Variants in ZNF517 observed in about 807,000 individuals in gnomAD.
ZNF517 encodes the protein zinc finger protein 517.
Under a neutral mutation model 12.1 loss-of-function variants are expected in ZNF517, and 12 were observed. The observed-to-expected ratio is 0.99, with a 90% confidence interval of 0.63 to 1.61. The LOEUF (loss-of-function observed/expected upper bound fraction) is 1.61, where lower values mean the gene tolerates loss of function less well. ZNF517 is among the 40% of genes most tolerant of loss of function. The pLI is 0.00. For synonymous variants in ZNF517, 388 were observed against 310.2 expected (o/e 1.25, Z -2.63); for missense variants, 781 against 693.2 (o/e 1.13, Z -1.42).
In ZNF517 at chr8:144,801,906, G is replaced by A. The variant is rs568097127; in HGVS notation, c.-45-964G>A. Reference sequence around the variant, plus strand: ...AAATTAGCTGGGTGTGGTGGCATGCGCCTGTAGTTCCAGCTACTCGGGAGG... The same window carrying A: ...AAATTAGCTGGGTGTGGTGGCATGCACCTGTAGTTCCAGCTACTCGGGAGG... On this transcript the variant is annotated intron_variant, in intron 1 of 4. Coordinates refer to ENST00000359971, the MANE Select transcript of ZNF517 (RefSeq NM_213605.3). Among the ~76,000 whole-genome samples the A allele has an allele frequency of 7.2e-5, 11 of 152,166 alleles. No homozygotes were observed. In the South Asian group the frequency reaches 1.2e-3, roughly 17 times the overall value.
In ZNF517 at chr8:144,808,183, C is replaced by T; in HGVS notation, c.1267C>T (p.Pro423Ser). 1 of 1,610,628 alleles carries T rather than the reference C, an allele frequency of 6.2e-7. No individual in the cohort carries two copies. Among genetic ancestry groups the T allele is most frequent in the Non-Finnish European group, 8.5e-7 (1 of 1,178,468 alleles). ...CCAGAAGATCCACACCAAGGAGAAG[C>T]CCTTCGCGTGCACCGAGTGCGGCAA... is the stretch of plus-strand genomic sequence containing the variant. ...LHQKIHTKEK[P>S]FACTECGKAF... The change falls in exon 5 of 5, where the codon CCC (proline) becomes TCC (serine). Residue 423 changes from proline (P) to serine (S), a missense_variant. Transcript: ENST00000359971.
downstream of ZNF517, chr8:144,810,243 G>C (rs1254464891): frequency 5.9e-6 from 4 of 672,606 alleles, no homozygotes; most frequent in Non-Finnish European, 1.1e-5. Context: ...GGAGCACCCT[G>C]TCACCCCTAA....
chr8:144,807,691 C>T lies in ZNF517; in HGVS notation c.775C>T (p.Arg259Trp), dbSNP rs776521096. Residue 259 changes from arginine to tryptophan, a missense_variant, in exon 5 of 5, where the codon CGG (arginine) becomes TGG (tryptophan). Physicochemically the swap from Arg to Trp is moderately radical, Grantham distance 101 (BLOSUM62 -3). Coordinates refer to ENST00000359971, the MANE Select transcript of ZNF517 (RefSeq NM_213605.3). ...CCACCACCGCGTCCACACCCGCGAGCGGCCCTACGCATGCGGCGAGTGCGG... is the reference window on the plus strand; with the variant it reads ...CCACCACCGCGTCCACACCCGCGAGTGGCCCTACGCATGCGGCGAGTGCGG... Reference protein sequence around the residue: ...AAHHRVHTRERPYACGECGKA... With the variant: ...AAHHRVHTREWPYACGECGKA... 39 of 1,609,916 alleles carry T rather than the reference C, an allele frequency of 2.4e-5. No individual in the cohort carries two copies. Among genetic ancestry groups the T allele is most frequent in the Non-Finnish European group, 3.2e-5 (38 of 1,179,106 alleles).
chr8:144,807,692 G>T lies in ZNF517; in HGVS notation c.776G>T (p.Arg259Leu), dbSNP rs934935922. 1 of 1,610,148 alleles carries T rather than the reference G, an allele frequency of 6.2e-7. No homozygotes were observed. The highest frequency in any genetic ancestry group is 8.5e-7 in the Non-Finnish European group (1 of 1,179,172). The change falls in exon 5 of 5, where the codon CGG becomes CTG. Residue 259 changes from arginine (R) to leucine (L), a missense_variant. Physicochemically the swap from Arg to Leu is moderately radical, Grantham distance 102. Coordinates refer to ENST00000359971, the MANE Select transcript of ZNF517 (RefSeq NM_213605.3). ...AAHHRVHTRE[R>L]PYACGECGKA... is the part of the protein sequence containing the mutation. ...CACCACCGCGTCCACACCCGCGAGCGGCCCTACGCATGCGGCGAGTGCGGC... is the reference window on the plus strand; with the variant it reads ...CACCACCGCGTCCACACCCGCGAGCTGCCCTACGCATGCGGCGAGTGCGGC...
At position 144,802,902 on chromosome 8, in the gene ZNF517, G is replaced by A. The variant is rs1280066221; in HGVS notation, c.-13G>A. 1.9e-6 allele frequency: 3 copies of A among 1,613,950 alleles called. No individual in the cohort carries two copies. Among genetic ancestry groups the A allele is most frequent in the Non-Finnish European group, 2.5e-6 (3 of 1,179,954 alleles). On this transcript the variant is annotated 5_prime_UTR_variant, in exon 2 of 5. Transcript: ENST00000359971. ...TGTCTGTAGCATCTGCTCCTCCACA[G>A]AGGGACCCTGGAATGGCGATGGCAC...
chr8:144,799,744 T>G, intron 1 of ZNF517, among the ~76,000 whole-genome samples: 1 of 152,034 alleles, frequency 6.6e-6, no homozygotes, highest in Admixed American at 6.6e-5. Flanking sequence ...ATCGAGACCA[T>G]CCTGGCTAAC....
rs1352770011 is a variant in ZNF517 at position 144,807,573 on chromosome 8, C to A, written c.657C>A (p.Ile219=). The change falls in exon 5 of 5, where the codon ATC becomes ATA. Residue 219 remains isoleucine, a synonymous_variant. Coordinates refer to ENST00000359971, the MANE Select transcript of ZNF517 (RefSeq NM_213605.3). ...GGAAGGCCTTCAAGCAAAGCTCCATCCTGCTGCGGCACCAGCTGATCCACA... is the reference window on the plus strand; with the variant it reads ...GGAAGGCCTTCAAGCAAAGCTCCATACTGCTGCGGCACCAGCTGATCCACA... ...ECGKAFKQSS[I]LLRHQLIHTE... The A allele has an allele frequency of 1.9e-6, 3 of 1,601,576 alleles. No homozygotes were observed. In the African/African-American group the frequency reaches 4.0e-5, roughly 22 times the overall value.
chr8:144,805,386 A>G (rs1425609435), intron 4 of ZNF517, among the ~76,000 whole-genome samples: 2 of 152,042 alleles, frequency 1.3e-5, no homozygotes, highest in Non-Finnish European at 2.9e-5. Context: ...GCTGGAGAGC[A>G]GTGGCGCGAT....
Position 144,807,251 on chromosome 8 carries a change from C to A in ZNF517, c.335C>A (p.Ala112Glu). ...CTGCAGAGAAAGCTCTCCAGGCAGG[C>A]AGGACTGCCGGGCACCGTGTGGGGG... ...SPLQRKLSRQ[A>E]GLPGTVWGCL... Residue 112 changes from alanine to glutamate, a missense_variant, in exon 5 of 5, where the codon GCA becomes GAA. Ala to Glu is a moderately radical substitution (Grantham distance 107, BLOSUM62 -1). Transcript: ENST00000359971. 6.4e-7 allele frequency: 1 copy of A among 1,551,240 alleles called. No homozygotes were observed.
In ZNF517 at chr8:144,808,471, A is replaced by C; in HGVS notation, c.*76A>C. 7.1e-7 allele frequency: 1 copy of C among 1,407,622 alleles called. No homozygotes were observed. 87.2% of individuals were successfully genotyped at this position (1,407,622 alleles called of 1,614,324 possible). ...CGGGGCCCTAGCGCAGAAATTCAGA[A>C]CCCCCTGTCCTGAAGGTGAAGCAAA... On this transcript the variant is annotated 3_prime_UTR_variant, in exon 5 of 5. Transcript: ENST00000359971.
chr8:144,806,588 G>A (rs746466159), intron 4 of ZNF517, among the ~76,000 whole-genome samples: 2 of 151,732 alleles, frequency 1.3e-5, no homozygotes, highest in African/African-American at 2.4e-5. Context: ...GGGTTCAAGC[G>A]ATTCTCCTGC....
At position 144,804,212 on chromosome 8, in the gene ZNF517, G is replaced by C; in HGVS notation, c.248G>C (p.Ser83Thr). 1.9e-6 allele frequency: 3 copies of C among 1,613,974 alleles called. No individual in the cohort carries two copies. Among genetic ancestry groups the C allele is most frequent in the Non-Finnish European group, 2.5e-6 (3 of 1,179,942 alleles). Residue 83 changes from serine (S) to threonine (T), a missense_variant, in exon 4 of 5, where the codon AGC becomes ACC. By Grantham distance (58) the Ser-to-Thr change is moderately conservative. Coordinates refer to ENST00000359971, the MANE Select transcript of ZNF517 (RefSeq NM_213605.3). ...TTGATTCTGCAGGTGGCTGAACAGA[G>C]CGTGGCCAAAGCCAGCCTGTGCACA... ...GALILQVAEQ[S>T]VAKASLCTDS...
chr8:144,805,228 G>C (rs1035546083), intron 4 of ZNF517, among the ~76,000 whole-genome samples: 9 of 152,272 alleles, frequency 5.9e-5, no homozygotes, highest in African/African-American at 1.7e-4. Context: ...GGGCGTGACA[G>C]AGGCTCACAC....
chr8:144,801,406 C>T (rs1586759601), intron 1 of ZNF517, among the ~76,000 whole-genome samples: 1 of 152,098 alleles, frequency 6.6e-6, no homozygotes, highest in East Asian at 1.9e-4. Context: ...GATCTCGGTT[C>T]ACTGCAACCT....
chr8:144,799,507 A>G (rs1260533078), intron 1 of ZNF517, among the ~76,000 whole-genome samples: 1 of 152,244 alleles, frequency 6.6e-6, no homozygotes. Context: ...AATAGAGGTG[A>G]GGCGTTAGTG....
At chr8:144,804,453 C>T (rs887596888) in intron 4 of ZNF517, among the ~76,000 whole-genome samples, 4 of 152,132 alleles carry the variant, frequency 2.6e-5, no homozygotes, top group African/African-American at 9.7e-5. Flanking sequence ...ATTTTGGTGT[C>T]CCCAAGGTGT....
chr8:144,806,505 CAA>C (rs1395847566), intron 4 of ZNF517, among the ~76,000 whole-genome samples: 2 of 151,990 alleles, frequency 1.3e-5, no homozygotes, highest in African/African-American at 2.4e-5. Context: ...TTTTTTGAGA[CAA>C]GAGTTTTGCT....
intron 1 of ZNF517, among the ~76,000 whole-genome samples, chr8:144,802,612 A>G (rs1383595481): frequency 4.6e-5 from 7 of 152,188 alleles, no homozygotes; most frequent in Non-Finnish European, 1.0e-4. Flanking sequence ...ATTCCCAGGC[A>G]GGAGGGGAGG....
intron 1 of ZNF517, chr8:144,800,820 T>G: frequency 2.3e-6 from 1 of 431,972 alleles, no homozygotes; most frequent in Non-Finnish European, 3.1e-6. Context: ...CAAGCAGCCC[T>G]CCTGCCTCTA....
Sources: gnomAD v4.1 joint callset for allele counts (sites outside exome capture counted in the v4.1 genomes callset) on GRCh38, gnomAD v4.1.1 for gene constraint, MANE v1.5 for transcripts, NCBI Gene and HGNC (gene_info 2026-07-23, HGNC 2026-07-21) for gene names.